MAP4K5: variants seen among roughly 807,000 people sequenced by gnomAD.
The protein encoded by MAP4K5 is mitogen-activated protein kinase kinase kinase kinase 5, also known as MAPK/ERK kinase kinase kinase 5.
MAP4K5 carries 82 observed loss-of-function variants against 135.6 expected under a neutral mutation model. That is an observed-to-expected ratio of 0.60 (90% CI 0.51 to 0.73). The LOEUF is 0.73. Ranked by LOEUF, MAP4K5 falls within the 30% of genes least tolerant of loss-of-function variation. MAP4K5 has a pLI of 0.00. For synonymous variants in MAP4K5, 347 were observed against 335.0 expected (o/e 1.04, Z -0.39); for missense variants, 907 against 1,010.9 (o/e 0.90, Z 1.39).
At chr14:50,450,582 T>A (rs1199963749) in intron 14 of MAP4K5, 1 of 152,170 alleles carries the variant, frequency 6.6e-6, no homozygotes, top group African/African-American at 2.4e-5. Flanking sequence ...ATAAGCTGTA[T>A]GAAGGATGAA....
In MAP4K5 at chr14:50,448,808, G is replaced by A; in HGVS notation, c.1040C>T (p.Pro347Leu). The change falls in exon 15 of 33, where the codon CCT becomes CTT. Residue 347 changes from proline (P) to leucine (L), a missense_variant. This residue lies in a region of MAP4K5 where 690 missense variants were observed against 777.4 expected (regional missense o/e 0.89). Coordinates refer to ENST00000682126, the MANE Select transcript of MAP4K5 (RefSeq NM_006575.6). ...INFDKLQFEP[P>L]LRKETEARDE... Reference sequence around the variant, plus strand: ...TCGTGCTTCTGTTTCTTTTCTCAGAGGAGGTTCAAATTGTAATTTGTCAAC... The same window carrying A: ...TCGTGCTTCTGTTTCTTTTCTCAGAAGAGGTTCAAATTGTAATTTGTCAAC... 6.4e-7 allele frequency: 1 copy of A among 1,565,768 alleles called. No individual in the cohort carries two copies. Among genetic ancestry groups the A allele is most frequent in the Non-Finnish European group, 8.7e-7 (1 of 1,149,774 alleles).
chr14:50,538,625 A>G (rs2038523110), intron 2 of MAP4K5, among the ~76,000 whole-genome samples: 1 of 152,232 alleles, frequency 6.6e-6, no homozygotes, highest in Non-Finnish European at 1.5e-5. Flanking sequence ...GACTAGTGTT[A>G]TGAGCAGAAA....
chr14:50,515,292 A>T (rs1183380107), intron 2 of MAP4K5, among the ~76,000 whole-genome samples: 1 of 152,122 alleles, frequency 6.6e-6, no homozygotes, highest in African/African-American at 2.4e-5. Flanking sequence ...TAGTGACTTC[A>T]ATATCCGGAA....
At chr14:50,464,920 G>A (rs1032370760) in intron 11 of MAP4K5, among the ~76,000 whole-genome samples, 1 of 152,148 alleles carries the variant, frequency 6.6e-6, no homozygotes, top group Non-Finnish European at 1.5e-5. Flanking sequence ...TCTGAAATCT[G>A]ACTGTGAATT....
intron 3 of MAP4K5, among the ~76,000 whole-genome samples, chr14:50,502,262 T>C (rs2037721903): frequency 1.3e-5 from 2 of 152,178 alleles, no homozygotes; most frequent in South Asian, 2.1e-4. Context: ...GGAAGCACTA[T>C]CCTACAATGT....
chr14:50,436,078 A>G (rs1215836807), intron 26 of MAP4K5, among the ~76,000 whole-genome samples: 1 of 152,188 alleles, frequency 6.6e-6, no homozygotes, highest in Non-Finnish European at 1.5e-5. Context: ...ATTATGTGGC[A>G]CAAAGATCAA....
At chr14:50,549,470 T>C (rs2038675208) in intron 1 of MAP4K5, among the ~76,000 whole-genome samples, 1 of 152,158 alleles carries the variant, frequency 6.6e-6, no homozygotes, top group Non-Finnish European at 1.5e-5. Context: ...GACAAGTCAA[T>C]TGTATTGGTC....
intron 1 of MAP4K5, among the ~76,000 whole-genome samples, chr14:50,548,654 C>A (rs945436759): frequency 6.6e-6 from 1 of 152,096 alleles, no homozygotes; most frequent in Non-Finnish European, 1.5e-5. Flanking sequence ...GGACTACAGG[C>A]ACACACCGCC....
chr14:50,436,255 T>A (rs2036089767), intron 26 of MAP4K5, among the ~76,000 whole-genome samples: 1 of 152,162 alleles, frequency 6.6e-6, no homozygotes, highest in Non-Finnish European at 1.5e-5. Flanking sequence ...AGTAAAGAAC[T>A]TAACCTCACC....
intron 2 of MAP4K5, among the ~76,000 whole-genome samples, chr14:50,540,727 G>A (rs1016577143): frequency 1.6e-4 from 24 of 152,206 alleles, no homozygotes; most frequent in African/African-American, 5.8e-4. Flanking sequence ...ATATATGTGA[G>A]TATAGATATA....
intron 10 of MAP4K5, among the ~76,000 whole-genome samples, chr14:50,467,537 T>C (rs545353875): frequency 1.3e-5 from 2 of 152,202 alleles, no homozygotes; most frequent in East Asian, 3.9e-4. Flanking sequence ...TTCATACATA[T>C]GTAATGGCTG....
chr14:50,466,659 T>A lies in MAP4K5; in HGVS notation c.675-14A>T. On this transcript the variant is annotated splice_polypyrimidine_tract_variant and intron_variant, in intron 10 of 32. Transcript: ENST00000682126. ...AAGAAGAGAGCCCTGAAATAAAAAT[T>A]ATAGTTAAAGAACAATATCAAAATT... 8.1e-7 allele frequency: 1 copy of A among 1,241,692 alleles called. No homozygotes were observed. Among genetic ancestry groups the A allele is most frequent in the Non-Finnish European group, 1.2e-6 (1 of 867,128 alleles). 76.9% of individuals were successfully genotyped at this position (1,241,692 alleles called of 1,614,324 possible).
In MAP4K5 at chr14:50,550,473, T is replaced by C. The variant is rs561053268; in HGVS notation, c.-179-7889A>G. ...CAGTCCTATTGTGGGGTATGTGGAT[T>C]CCTCCCCTTGTTAAGTTGCAATGGT... On this transcript the variant is annotated intron_variant, in intron 1 of 8. Transcript: ENST00000555216. 2.0e-5 allele frequency among the ~76,000 whole-genome samples: 3 copies of C among 152,292 alleles called. No individual in the cohort carries two copies. The South Asian group carries it at 6.2e-4, about 32-fold the overall frequency.
chr14:50,520,642 T>A (rs947461157), intron 2 of MAP4K5, among the ~76,000 whole-genome samples: 2 of 152,186 alleles, frequency 1.3e-5, no homozygotes, highest in Non-Finnish European at 2.9e-5. Flanking sequence ...TTATAATTTA[T>A]AACAGCATTA....
chr14:50,474,974 T>C, intron 9 of MAP4K5, 103 bp downstream of exon 9: 5 of 998,468 alleles, frequency 5.0e-6, no homozygotes, highest in Non-Finnish European at 7.8e-6. Context: ...AGCACGCAAA[T>C]CTCCCTACTT....
chr14:50,509,923 C>T (rs1595529844), intron 2 of MAP4K5, among the ~76,000 whole-genome samples: 2 of 152,218 alleles, frequency 1.3e-5, no homozygotes, highest in South Asian at 4.1e-4. Flanking sequence ...AGTATAAGTG[C>T]CATAAAGGCA....
chr14:50,534,251 CAA>C (rs1275987496), upstream of MAP4K5, among the ~76,000 whole-genome samples: 1 of 151,982 alleles, frequency 6.6e-6, no homozygotes, highest in Non-Finnish European at 1.5e-5. Context: ...TACTATAAAA[CAA>C]GATAAAAATA....
chr14:50,552,301 A>G (rs1402910992), intron 1 of MAP4K5, among the ~76,000 whole-genome samples: 4 of 152,198 alleles, frequency 2.6e-5, no homozygotes, highest in East Asian at 1.9e-4. Context: ...ACTTAGGAAT[A>G]TGCTTAACCA....
In MAP4K5 at chr14:50,531,980, G is replaced by C; in HGVS notation, c.70C>G (p.Gln24Glu). The C allele has an allele frequency of 6.2e-7, 1 of 1,604,522 alleles. No homozygotes were observed. Among genetic ancestry groups the C allele is most frequent in the Non-Finnish European group, 8.5e-7 (1 of 1,175,896 alleles). Residue 24 changes from glutamine (Q) to glutamate (E), a missense_variant, in exon 2 of 33, where the codon CAG becomes GAG. Physicochemically the swap from Gln to Glu is conservative, Grantham distance 29 (BLOSUM62 2). This residue lies in a region of MAP4K5 where 196 missense variants were observed against 189.3 expected (regional missense o/e 1.04). Coordinates refer to ENST00000682126, the MANE Select transcript of MAP4K5 (RefSeq NM_006575.6). ...RNPQQDYELVQRVGSGTYGDV... is the reference protein window; with the variant it reads ...RNPQQDYELVERVGSGTYGDV... ...CCGTAGGTGCCGCTGCCGACCCTCT[G>C]GACGAGTTCGTAGTCCTGCTGCGGG...
Sources: gnomAD v4.1 joint callset for allele counts (sites outside exome capture counted in the v4.1 genomes callset) on GRCh38, gnomAD v4.1.1 for gene constraint, gnomAD v4.1.1 regional missense constraint, MANE v1.5 for transcripts, NCBI Gene and HGNC (gene_info 2026-07-23, HGNC 2026-07-21) for gene names.